GABBR2: variants seen among roughly 807,000 people sequenced by gnomAD.
GABBR2 encodes gamma-aminobutyric acid type B receptor subunit 2, also known as G-protein coupled receptor 51.
In GABBR2, 23 loss-of-function variants were observed where a neutral mutation model predicts 105.6. That is an observed-to-expected ratio of 0.22 (90% CI 0.16 to 0.31). The LOEUF (loss-of-function observed/expected upper bound fraction) is 0.31, where lower values mean the gene tolerates loss of function less well. Among genes scored for constraint, GABBR2 ranks in the 10% least tolerant of loss-of-function variants. The pLI, the probability that GABBR2 is intolerant of heterozygous loss-of-function variation, is 1.00. For synonymous variants in GABBR2, 478 were observed against 499.7 expected, an observed-to-expected ratio of 0.96 and a Z score of 0.58; for missense variants, 734 against 1,245.5, an observed-to-expected ratio of 0.59 and a Z score of 6.18.
intron 3 of GABBR2, among the ~76,000 whole-genome samples, chr9:98,513,211 A>G (rs1827687806): frequency 6.6e-6 from 1 of 151,366 alleles, no homozygotes; most frequent in South Asian, 2.1e-4. Flanking sequence ...ATATGTAGAA[A>G]GCTGAAACTG....
chr9:98,617,932 G>C (rs983140665), intron 1 of GABBR2, among the ~76,000 whole-genome samples: 1 of 152,134 alleles, frequency 6.6e-6, no homozygotes, highest in Non-Finnish European at 1.5e-5. Context: ...TTACCACTCC[G>C]AGCCTCCGTT....
chr9:98,459,415 T>C (rs1159932057), intron 6 of GABBR2, among the ~76,000 whole-genome samples: 3 of 152,116 alleles, frequency 2.0e-5, no homozygotes, highest in Non-Finnish European at 4.4e-5. Flanking sequence ...ATTTTCTGAT[T>C]TGTAAGTAAG....
chr9:98,676,317 C>T (rs1830477221), intron 1 of GABBR2, among the ~76,000 whole-genome samples: 1 of 152,194 alleles, frequency 6.6e-6, no homozygotes, highest in Non-Finnish European at 1.5e-5. Context: ...AGCTTTTGAC[C>T]TTAGCAAGAC....
intron 3 of GABBR2, among the ~76,000 whole-genome samples, chr9:98,499,775 G>A (rs1410678418): frequency 6.6e-6 from 1 of 152,354 alleles, no homozygotes; most frequent in African/African-American, 2.4e-5. Flanking sequence ...AGCCAGGCCA[G>A]GTGCGGTGGC....
At chr9:98,443,601 T>A (rs1826070958) in intron 7 of GABBR2, among the ~76,000 whole-genome samples, 1 of 152,208 alleles carries the variant, frequency 6.6e-6, no homozygotes, top group South Asian at 2.1e-4. Flanking sequence ...GGTTCACCAG[T>A]TATGCACTGT....
At chr9:98,409,498 G>A (rs1832547487) in intron 7 of GABBR2, among the ~76,000 whole-genome samples, 1 of 152,194 alleles carries the variant, frequency 6.6e-6, no homozygotes, top group African/African-American at 2.4e-5. Flanking sequence ...GGCAGTGCCT[G>A]TCTTCCGTTT....
chr9:98,678,977 T>C (rs895665256), intron 1 of GABBR2, among the ~76,000 whole-genome samples: 1 of 152,182 alleles, frequency 6.6e-6, no homozygotes, highest in Non-Finnish European at 1.5e-5. Context: ...TGAAAAAGCA[T>C]TTAATAAAAT....
intron 1 of GABBR2, among the ~76,000 whole-genome samples, chr9:98,628,770 T>A (rs2131827128): frequency 6.6e-6 from 1 of 152,242 alleles, no homozygotes; most frequent in South Asian, 2.1e-4. Context: ...GGGCAAGGGT[T>A]TGCTATATGA....
chr9:98,335,069 C>A (rs1831089336), intron 13 of GABBR2, among the ~76,000 whole-genome samples: 1 of 152,192 alleles, frequency 6.6e-6, no homozygotes, highest in South Asian at 2.1e-4. Flanking sequence ...AACTTGCTCA[C>A]CCTCTGTCTT....
intron 12 of GABBR2, among the ~76,000 whole-genome samples, chr9:98,368,336 AGTTAAAAAAG>A (rs1831718105): frequency 6.6e-6 from 1 of 151,994 alleles, no homozygotes; most frequent in Admixed American, 6.5e-5. Context: ...AACTTTAAAA[AGTTAAAAAAG>A]GTTAAAAAAG....
intron 6 of GABBR2, among the ~76,000 whole-genome samples, chr9:98,466,084 T>C (rs1161788403): frequency 6.6e-6 from 1 of 152,234 alleles, no homozygotes. Context: ...TGCTTCCGCT[T>C]TGCCTTCTGC....
At chr9:98,534,583 C>T (rs1216987487) in intron 3 of GABBR2, among the ~76,000 whole-genome samples, 1 of 152,208 alleles carries the variant, frequency 6.6e-6, no homozygotes, top group Non-Finnish European at 1.5e-5. Context: ...TTATTATCCT[C>T]ATGCTCAAGA....
At chr9:98,555,380 GGTTT>G (rs377375925) in intron 2 of GABBR2, among the ~76,000 whole-genome samples, 320 of 152,236 alleles carry the variant, frequency 2.1e-3, no homozygotes, top group Middle Eastern at 6.8e-3. Flanking sequence ...ATTTTAAAAT[GGTTT>G]GTTAATTAAA....
intron 11 of GABBR2, among the ~76,000 whole-genome samples, chr9:98,376,325 G>A (rs544742473): frequency 2.3e-4 from 35 of 152,298 alleles, no homozygotes; most frequent in South Asian, 1.0e-3. Flanking sequence ...GACAGATGAC[G>A]CATGGGACTG....
intron 1 of GABBR2, among the ~76,000 whole-genome samples, chr9:98,676,682 T>C (rs1024562210): frequency 1.3e-5 from 2 of 152,194 alleles, no homozygotes; most frequent in African/African-American, 4.8e-5. Context: ...GCAAATCCTA[T>C]AGCACGATGG....
intron 3 of GABBR2, among the ~76,000 whole-genome samples, chr9:98,520,583 C>T (rs902362291): frequency 1.3e-5 from 2 of 152,214 alleles, no homozygotes; most frequent in African/African-American, 2.4e-5. Context: ...CTGCTGCCCA[C>T]GTCTGCTGAC....
chr9:98,552,608 G>A (rs893430996), intron 2 of GABBR2, among the ~76,000 whole-genome samples: 8 of 152,182 alleles, frequency 5.3e-5, no homozygotes, highest in Non-Finnish European at 1.0e-4. Flanking sequence ...AATGTGATGC[G>A]GGGTGGCTGC....
At chr9:98,512,252 G>A (rs1407190373) in intron 3 of GABBR2, among the ~76,000 whole-genome samples, 3 of 134,244 alleles carry the variant, frequency 2.2e-5, no homozygotes, top group Non-Finnish European at 3.3e-5. Flanking sequence ...TTGATGGGAC[G>A]TATCTCAAAA....
chr9:98,428,780 T>C (rs986527222), intron 7 of GABBR2, among the ~76,000 whole-genome samples: 1 of 152,192 alleles, frequency 6.6e-6, no homozygotes, highest in Non-Finnish European at 1.5e-5. Context: ...TTTGCTGGAC[T>C]TGGTGCTGAC....
Sources: gnomAD v4.1 joint callset for allele counts (sites outside exome capture counted in the v4.1 genomes callset) on GRCh38, gnomAD v4.1.1 for gene constraint, MANE v1.5 for transcripts, NCBI Gene and HGNC (gene_info 2026-07-23, HGNC 2026-07-21) for gene names.